The following IL1RAPL1 variants were observed in gnomAD, a reference collection of about 807,000 sequenced individuals.
IL1RAPL1 encodes interleukin 1 receptor accessory protein like 1, also known as interleukin-1 receptor accessory protein-like 1.
In IL1RAPL1, 3 loss-of-function variants were observed where a neutral mutation model predicts 48.4. The observed-to-expected ratio is 0.06, with a 90% CI of 0.03 to 0.16. The LOEUF (loss-of-function observed/expected upper bound fraction) is 0.16. Among genes scored for constraint, IL1RAPL1 ranks in the 10% least tolerant of loss-of-function variants. The probability of loss-of-function intolerance (pLI) is 1.00; values close to 1 mark genes in which losing one functional copy is unlikely to be tolerated. For missense variants in IL1RAPL1, 349 were observed against 530.6 expected (o/e 0.66, Z 3.36); for synonymous variants, 185 against 187.7 (o/e 0.99, Z 0.12).
intron 2 of IL1RAPL1, among the ~76,000 whole-genome samples, chrX:28,980,050 G>C (rs1226137235): frequency 8.9e-6 from 1 of 112,181 alleles, no homozygotes; most frequent in Non-Finnish European, 1.9e-5. Context: ...TGAGATGGCA[G>C]AGCCTTTTAG....
chrX:28,887,088 C>T (rs1191490428), intron 2 of IL1RAPL1, among the ~76,000 whole-genome samples: 2 of 111,621 alleles, frequency 1.8e-5, no homozygotes, highest in Admixed American at 9.6e-5. Context: ...TACTATGGCT[C>T]GAATGCCTCC....
chrX:29,155,931 ATAAAT>A (rs935833356), intron 2 of IL1RAPL1, among the ~76,000 whole-genome samples: 27 of 111,138 alleles, frequency 2.4e-4, no homozygotes, highest in Admixed American at 1.6e-3. Context: ...ATAATTAAAA[ATAAAT>A]TAATACAGGA....
At chrX:28,756,177 C>T (rs1936102820) in intron 1 of IL1RAPL1, among the ~76,000 whole-genome samples, 1 of 111,963 alleles carries the variant, frequency 8.9e-6, no homozygotes, top group Admixed American at 9.5e-5. Flanking sequence ...TTTTCCCTTG[C>T]TTCTCCAGGA....
chrX:29,928,542 G>A (rs1376119204), intron 8 of IL1RAPL1, among the ~76,000 whole-genome samples: 1 of 112,121 alleles, frequency 8.9e-6, no homozygotes, highest in Non-Finnish European at 1.9e-5. Flanking sequence ...GCTGTTGTTT[G>A]AAAAAGCGAC....
At chrX:28,765,505 A>G (rs1936225276) in intron 1 of IL1RAPL1, among the ~76,000 whole-genome samples, 2 of 111,520 alleles carry the variant, frequency 1.8e-5, no homozygotes, top group African/African-American at 3.3e-5. Flanking sequence ...GTAATTTGAT[A>G]CAATTCTTTA....
chrX:28,632,129 T>A (rs192774319), intron 1 of IL1RAPL1, among the ~76,000 whole-genome samples: 148 of 112,401 alleles, frequency 1.3e-3, no homozygotes, highest in African/African-American at 4.6e-3. Flanking sequence ...AGTTTAAGCA[T>A]CAGAAATTTA....
intron 6 of IL1RAPL1, among the ~76,000 whole-genome samples, chrX:29,740,610 G>T (rs1394123085): frequency 9.0e-6 from 1 of 110,828 alleles, no homozygotes; most frequent in Admixed American, 9.7e-5. Flanking sequence ...TATTTCCACT[G>T]CCACACTTGT....
chrX:29,930,808 A>G lies in IL1RAPL1; in HGVS notation c.1057+10714A>G, dbSNP rs768840707. ...ATGTACTCTTGCTCCCACTTTGTCTATTTTATAAAAAAACATTTTAGGGGA... is the reference window on the plus strand; with the variant it reads ...ATGTACTCTTGCTCCCACTTTGTCTGTTTTATAAAAAAACATTTTAGGGGA... On this transcript the variant is annotated intron_variant, in intron 8 of 10. Coordinates refer to ENST00000378993, the MANE Select transcript of IL1RAPL1 (RefSeq NM_014271.4). Among the ~76,000 whole-genome samples, 3 of 111,871 alleles carry G rather than the reference A, an allele frequency of 2.7e-5. No homozygotes were observed. The South Asian group carries it at 1.1e-3, about 41-fold the overall frequency.
chrX:28,989,120 T>G (rs1925543175), intron 2 of IL1RAPL1, among the ~76,000 whole-genome samples: 1 of 112,276 alleles, frequency 8.9e-6, no homozygotes, highest in South Asian at 3.7e-4. Context: ...TGCTTCACCA[T>G]TGTATTAACT....
chrX:29,430,409 C>T (rs17329414), intron 5 of IL1RAPL1, among the ~76,000 whole-genome samples: 1,486 of 111,378 alleles, frequency 0.013, 14 homozygotes, highest in Middle Eastern at 0.037. Context: ...AACTGTGTTT[C>T]TGACTGTGTA....
intron 2 of IL1RAPL1, among the ~76,000 whole-genome samples, chrX:29,097,596 T>C (rs1297775301): frequency 8.9e-6 from 1 of 111,955 alleles, no homozygotes; most frequent in Non-Finnish European, 1.9e-5. Context: ...CAAATATGAA[T>C]ATGTGTTGCT....
chrX:29,820,050 ATAAG>A (rs1244479856), intron 6 of IL1RAPL1, among the ~76,000 whole-genome samples: 1 of 107,143 alleles, frequency 9.3e-6, no homozygotes, highest in African/African-American at 3.3e-5. Flanking sequence ...TAAGTGTTAT[ATAAG>A]TATTTTATAT....
chrX:28,787,251 T>C (rs1936485314), intron 1 of IL1RAPL1, among the ~76,000 whole-genome samples: 1 of 112,108 alleles, frequency 8.9e-6, no homozygotes, highest in African/African-American at 3.2e-5. Context: ...TTGCAGTGTA[T>C]AGTTGGGTCC....
intron 6 of IL1RAPL1, among the ~76,000 whole-genome samples, chrX:29,799,277 C>A (rs1929822473): frequency 1.8e-5 from 2 of 112,109 alleles, no homozygotes; most frequent in African/African-American, 6.5e-5. Context: ...ATTGAATAGC[C>A]ATAAGAGCTT....
At chrX:29,372,023 C>G (rs1401944174) in intron 3 of IL1RAPL1, among the ~76,000 whole-genome samples, 1 of 112,439 alleles carries the variant, frequency 8.9e-6, no homozygotes, top group Non-Finnish European at 1.9e-5. Flanking sequence ...AGCAGCTGAA[C>G]TAATTTACAT....
At chrX:29,268,776 A>G (rs1319039091) in intron 2 of IL1RAPL1, among the ~76,000 whole-genome samples, 1 of 112,287 alleles carries the variant, frequency 8.9e-6, no homozygotes, top group Non-Finnish European at 1.9e-5. Context: ...ACAGTGCCCT[A>G]GGATACAACA....
intron 6 of IL1RAPL1, among the ~76,000 whole-genome samples, chrX:29,799,441 T>C (rs1380681781): frequency 8.9e-6 from 1 of 112,057 alleles, no homozygotes; most frequent in Non-Finnish European, 1.9e-5. Flanking sequence ...AGAATGCCAA[T>C]ATTACGATTA....
At chrX:29,821,789 A>G (rs377453186) in intron 6 of IL1RAPL1, among the ~76,000 whole-genome samples, 4 of 112,746 alleles carry the variant, frequency 3.5e-5, no homozygotes, top group East Asian at 5.5e-4. Flanking sequence ...CCAAACTGGG[A>G]CAGGCATAAT....
rs757372793 is a variant in IL1RAPL1, at chrX:29,827,130, G to T, written c.779-90334G>T. ...CTACTGATGTTGAACGTAGTTTTGC[G>T]GGTTGGTTGAGAATCTGTATTTGTA... On this transcript the variant is annotated intron_variant, in intron 6 of 10. Transcript: ENST00000378993. Among the ~76,000 whole-genome samples, 4 of 111,964 alleles carry T rather than the reference G, an allele frequency of 3.6e-5. No individual in the cohort carries two copies. The East Asian group carries it at 8.4e-4, about 24-fold the overall frequency.
Sources: allele counts gnomAD v4.1 joint callset (sites outside exome capture counted in the v4.1 genomes callset), GRCh38; gene constraint gnomAD v4.1.1; transcripts MANE v1.5; gene names NCBI Gene and HGNC (gene_info 2026-07-23, HGNC 2026-07-21).